SYT6: variants seen among roughly 807,000 people sequenced by gnomAD.
The protein encoded by SYT6 is synaptotagmin-6.
In SYT6, 24 loss-of-function variants were observed where a neutral mutation model predicts 38.4. The observed-to-expected ratio is 0.62, with a 90% CI of 0.45 to 0.88. The LOEUF (loss-of-function observed/expected upper bound fraction) is 0.88. SYT6 is among the 40% of genes least tolerant of loss of function. The pLI is 0.00. For synonymous variants in SYT6, 265 were observed against 241.9 expected (o/e 1.10, Z -0.89); for missense variants, 611 against 621.0 (o/e 0.98, Z 0.17).
chr1:114,093,361 G>A (rs1675434343), intron 7 of SYT6, among the ~76,000 whole-genome samples: 1 of 152,134 alleles, frequency 6.6e-6, no homozygotes, highest in Non-Finnish European at 1.5e-5. Flanking sequence ...GGTTCTTCAT[G>A]GGCTTCTTAG....
chr1:114,130,870 T>C (rs2629807), intron 3 of SYT6, among the ~76,000 whole-genome samples: 3,112 of 152,314 alleles, frequency 0.02, 87 homozygotes, highest in African/African-American at 0.072. Context: ...GAAGGCGTTG[T>C]CTCAAACTGC....
intron 3 of SYT6, among the ~76,000 whole-genome samples, chr1:114,119,049 G>C (rs181680920): frequency 6.6e-6 from 1 of 152,184 alleles, no homozygotes; most frequent in African/African-American, 2.4e-5. Context: ...GGTGGGAATC[G>C]GGTCGGCCTG....
Position 114,092,033 on chromosome 1 carries a change from G to A in SYT6, c.*101C>T, listed in dbSNP as rs914824299. The A allele has an allele frequency of 2.3e-5, 35 of 1,536,258 alleles. No homozygotes were observed. In the East Asian group the frequency reaches 6.6e-4, roughly 29 times the overall value. On this transcript the variant is annotated 3_prime_UTR_variant, in exon 8 of 8. Transcript: ENST00000610222. ...ATCTCATGGTGTTGGAGGTGGTTTC[G>A]GAGATGGGCACGAGCTCTCACTGTC...
In SYT6 at chr1:114,153,813, G is replaced by C. The variant is rs1679573081; in HGVS notation, c.-41C>G. ...GCTTGCCGAGCAGCAGCTCGAACCC[G>C]CGCCCCGGCCGCACTGGGGCGGGGC... is the stretch of plus-strand genomic sequence containing the variant. On this transcript the variant is annotated 5_prime_UTR_variant, in exon 1 of 8. Coordinates refer to ENST00000610222, the MANE Select transcript of SYT6 (RefSeq NM_001253772.2). The C allele has an allele frequency of 1.7e-6, 1 of 605,488 alleles. No homozygotes were observed. Among genetic ancestry groups the C allele is most frequent in the African/African-American group, 2.0e-5 (1 of 50,790 alleles). 37.5% of individuals were successfully genotyped at this position (605,488 alleles called of 1,614,324 possible).
chr1:114,110,825 G>T (rs1676630998), intron 3 of SYT6, among the ~76,000 whole-genome samples: 1 of 152,106 alleles, frequency 6.6e-6, no homozygotes, highest in Non-Finnish European at 1.5e-5. Flanking sequence ...CACCATCTCT[G>T]CCAGATCCTT....
intron 7 of SYT6, 64 bp downstream of exon 7, chr1:114,093,671 G>A: frequency 4.7e-6 from 7 of 1,489,726 alleles, no homozygotes; most frequent in East Asian, 2.3e-5. Context: ...GGCCACACTA[G>A]GGGAAGAAGG....
intron 3 of SYT6, among the ~76,000 whole-genome samples, chr1:114,132,354 C>A (rs1678209845): frequency 2.0e-5 from 3 of 152,182 alleles, no homozygotes. Context: ...GAAGAGAGGC[C>A]TGACTCTTTG....
intron 1 of SYT6, among the ~76,000 whole-genome samples, chr1:114,151,317 G>A (rs747573629): frequency 3.9e-5 from 6 of 152,138 alleles, no homozygotes; most frequent in African/African-American, 1.4e-4. Flanking sequence ...TTGTGACTCA[G>A]CAGCCAAAGT....
In SYT6 at chr1:114,093,257, G is replaced by C. The variant is rs12565469; in HGVS notation, c.*51+478C>G. Among the ~76,000 whole-genome samples, 458 of 152,268 alleles carry C rather than the reference G, an allele frequency of 3.0e-3. 7 individuals carry two copies. In the East Asian group the frequency reaches 0.052, roughly 17 times the overall value. On this transcript the variant is annotated intron_variant, in intron 7 of 7. Transcript: ENST00000610222. ...TCCAGCATCACCTGCGGAGTAGATGGGAAACCCATGAAGTTCAGGAAGGAC... is the reference window on the plus strand; with the variant it reads ...TCCAGCATCACCTGCGGAGTAGATGCGAAACCCATGAAGTTCAGGAAGGAC...
In SYT6 at chr1:114,099,167, C is replaced by A; in HGVS notation, c.1291G>T (p.Ala431Ser). 2 of 1,614,096 alleles carry A rather than the reference C, an allele frequency of 1.2e-6. No individual in the cohort carries two copies. The highest frequency in any genetic ancestry group is 1.7e-6 in the Non-Finnish European group (2 of 1,179,968). Reference protein sequence around the residue: ...KNTLNPVYNEAIIFDIPPENM... With the variant: ...KNTLNPVYNESIIFDIPPENM... The stretch of plus-strand genomic sequence containing the variant: ...TCCGGGGGAATGTCAAAGATGATGG[C>A]CTCATTGTAGACAGGATTGAGAGTG... The change falls in exon 5 of 8, where the codon GCC (alanine) becomes TCC (serine). Residue 431 changes from alanine (A) to serine (S), a missense_variant. Ala to Ser is a moderately conservative substitution (Grantham distance 99, BLOSUM62 1). Coordinates refer to ENST00000610222, the MANE Select transcript of SYT6 (RefSeq NM_001253772.2).
chr1:114,098,600 C>A (rs1466468020), intron 5 of SYT6, among the ~76,000 whole-genome samples: 2 of 152,058 alleles, frequency 1.3e-5, no homozygotes, highest in East Asian at 3.9e-4. Context: ...ATCACAGGAG[C>A]CATTGATGGT....
At chr1:114,142,563 G>T (rs1170503429) in intron 1 of SYT6, among the ~76,000 whole-genome samples, 1 of 152,190 alleles carries the variant, frequency 6.6e-6, no homozygotes, top group African/African-American at 2.4e-5. Flanking sequence ...CAGTGGCAGG[G>T]GTTGAGAGGA....
In SYT6 at chr1:114,092,888, C is replaced by T. The variant is rs539493287; in HGVS notation, c.*52-806G>A. ...GACCCCATGAATATTCTTGACCTGC[C>T]TGGGGGCTTTATGTTAATAACTTCA... On this transcript the variant is annotated intron_variant, in intron 7 of 7. Transcript: ENST00000610222. Among the ~76,000 whole-genome samples the T allele has an allele frequency of 5.3e-5, 8 of 152,312 alleles. No individual in the cohort carries two copies. In the South Asian group the frequency reaches 6.2e-4, roughly 12 times the overall value.
At chr1:114,127,891 C>T (rs1198323585) in intron 3 of SYT6, among the ~76,000 whole-genome samples, 5 of 152,178 alleles carry the variant, frequency 3.3e-5, no homozygotes, top group African/African-American at 1.2e-4. Flanking sequence ...AATGAACATC[C>T]AGCAAAGACA....
In SYT6 at chr1:114,137,881, T is replaced by A; in HGVS notation, c.685A>T (p.Ser229Cys). Reference sequence around the variant, plus strand: ...AGGCTGAAGTTGATCTTCCCGCAGCTCTTGGTGGCCTCAGACTTGGCATCC... The same window carrying A: ...AGGCTGAAGTTGATCTTCCCGCAGCACTTGGTGGCCTCAGACTTGGCATCC... ...GEDAKSEATK[S>C]CGKINFSLRY... is the part of the protein sequence containing the mutation. The change falls in exon 3 of 8, where the codon AGC becomes TGC. Residue 229 changes from serine to cysteine, a missense_variant. Coordinates refer to ENST00000610222, the MANE Select transcript of SYT6 (RefSeq NM_001253772.2). The A allele has an allele frequency of 6.2e-7, 1 of 1,613,940 alleles. No individual in the cohort carries two copies. The highest frequency in any genetic ancestry group is 8.5e-7 in the Non-Finnish European group (1 of 1,179,980).
chr1:114,097,768 G>A lies in SYT6; in HGVS notation c.1474C>T (p.His492Tyr). ...TTTACCTCCACCAAGGAGTGCCAGT[G>A]TGCGATGGGCTTCCGGGGGTATGCC... Reference protein sequence around the residue: ...MLAYPRKPIAHWHSLVEVKKS... With the variant: ...MLAYPRKPIAYWHSLVEVKKS... Residue 492 changes from histidine to tyrosine, a missense_variant, in exon 6 of 8, where the codon CAC becomes TAC. Coordinates refer to ENST00000610222, the MANE Select transcript of SYT6 (RefSeq NM_001253772.2). 1 of 1,614,244 alleles carries A rather than the reference G, an allele frequency of 6.2e-7. No homozygotes were observed. The highest frequency in any genetic ancestry group is 8.5e-7 in the Non-Finnish European group (1 of 1,180,052).
intron 3 of SYT6, among the ~76,000 whole-genome samples, chr1:114,119,106 T>C (rs1011459695): frequency 6.6e-6 from 1 of 152,182 alleles, no homozygotes; most frequent in Non-Finnish European, 1.5e-5. Context: ...CTGCAGTTAG[T>C]AGTTGAAGTG....
chr1:114,114,007 C>T (rs889583462), intron 3 of SYT6, among the ~76,000 whole-genome samples: 1 of 152,194 alleles, frequency 6.6e-6, no homozygotes, highest in African/African-American at 2.4e-5. Flanking sequence ...CTCTTCCTGC[C>T]CCATGACTTT....
chr1:114,104,720 A>G (rs1406285617), intron 3 of SYT6, among the ~76,000 whole-genome samples: 1 of 152,196 alleles, frequency 6.6e-6, no homozygotes, highest in Non-Finnish European at 1.5e-5. Flanking sequence ...TTTATTGAGC[A>G]CCTGTTATGT....
Sources: allele counts gnomAD v4.1 joint callset (sites outside exome capture counted in the v4.1 genomes callset), GRCh38; gene constraint gnomAD v4.1.1; transcripts MANE v1.5; gene names NCBI Gene and HGNC (gene_info 2026-07-23, HGNC 2026-07-21).